DNM3: variants seen among roughly 807,000 people sequenced by gnomAD.
DNM3 encodes dynamin 3, also known as dynamin-3.
In DNM3, 47 loss-of-function variants were observed where a neutral mutation model predicts 101.6. The ratio of observed to expected loss-of-function variants is 0.46; its 90% CI spans 0.37 to 0.59. DNM3 has a LOEUF of 0.59. DNM3 is among the 20% of genes least tolerant of loss of function. The pLI is 0.00. For synonymous variants in DNM3, 385 were observed against 387.9 expected, an observed-to-expected ratio of 0.99 and a Z score of 0.09; for missense variants, 849 against 1,085.7, an observed-to-expected ratio of 0.78 and a Z score of 3.06.
chr1:171,921,117 C>T (rs202095893), intron 1 of DNM3, among the ~76,000 whole-genome samples: 41 of 142,400 alleles, frequency 2.9e-4, no homozygotes, highest in Middle Eastern at 3.6e-3. Context: ...TTTTTTTTTT[C>T]TTTTTTTTTT....
At chr1:172,371,598 A>G (rs1246674734) in intron 17 of DNM3, among the ~76,000 whole-genome samples, 4 of 151,918 alleles carry the variant, frequency 2.6e-5, no homozygotes, top group African/African-American at 9.7e-5. Flanking sequence ...TGTCCTATAA[A>G]ATGTATAATG....
intron 1 of DNM3, among the ~76,000 whole-genome samples, chr1:171,897,521 T>C (rs1426370507): frequency 2.0e-5 from 3 of 152,240 alleles, no homozygotes; most frequent in Admixed American, 1.3e-4. Context: ...TGAATAATCA[T>C]GTCTATCTCT....
At chr1:172,075,491 A>G (rs1188592756) in intron 11 of DNM3, among the ~76,000 whole-genome samples, 2 of 152,214 alleles carry the variant, frequency 1.3e-5, no homozygotes, top group African/African-American at 4.8e-5. Flanking sequence ...ATTTTTGTAT[A>G]AGGTGTAAGG....
intron 19 of DNM3, 24 bp from the exon 20 acceptor site, chr1:172,388,549 A>C (rs774055720): frequency 1.8e-5 from 28 of 1,593,536 alleles, no homozygotes; most frequent in Non-Finnish European, 2.4e-5. Context: ...GAGTGAGCAA[A>C]CTATGATTTC....
intron 14 of DNM3, among the ~76,000 whole-genome samples, chr1:172,150,185 CT>C (rs1175601173): frequency 6.6e-6 from 1 of 152,102 alleles, no homozygotes; most frequent in African/African-American, 2.4e-5. Flanking sequence ...AGAATTTACT[CT>C]AGTTTCTAAG....
intron 1 of DNM3, among the ~76,000 whole-genome samples, chr1:171,911,737 C>G (rs1020193062): frequency 2.6e-5 from 4 of 152,188 alleles, no homozygotes; most frequent in South Asian, 2.1e-4. Flanking sequence ...ATTTCTTCAT[C>G]TGAAGCCTTA....
intron 17 of DNM3, among the ~76,000 whole-genome samples, chr1:172,372,815 C>T (rs1001908608): frequency 6.7e-6 from 1 of 149,358 alleles, no homozygotes; most frequent in African/African-American, 2.5e-5. Flanking sequence ...TCCTGAGTAT[C>T]TGGAACTACG....
intron 1 of DNM3, among the ~76,000 whole-genome samples, chr1:171,914,824 A>C (rs1003655052): frequency 1.3e-5 from 2 of 152,180 alleles, no homozygotes; most frequent in African/African-American, 4.8e-5. Context: ...AGTGTAAAAA[A>C]TATTTAGTGC....
At chr1:172,133,048 C>T in intron 14 of DNM3, 1 of 1,477,404 alleles carries the variant, frequency 6.8e-7, no homozygotes, top group Non-Finnish European at 8.9e-7. Context: ...TCCAAGCCAA[C>T]CTCATCCCAC....
chr1:171,931,943 TA>T (rs992425792), intron 2 of DNM3, among the ~76,000 whole-genome samples: 9 of 152,228 alleles, frequency 5.9e-5, no homozygotes, highest in East Asian at 1.9e-4. Flanking sequence ...AAATATTTAT[TA>T]TTTTTTTAAT....
At chr1:172,128,830 C>A (rs1462738793) in intron 13 of DNM3, among the ~76,000 whole-genome samples, 1 of 152,098 alleles carries the variant, frequency 6.6e-6, no homozygotes, top group African/African-American at 2.4e-5. Context: ...GATATTTCTT[C>A]AGTAGGTTCA....
Position 171,921,775 on chromosome 1 carries a change from T to C in DNM3, c.189T>C (p.Ile63=). 1 of 1,601,302 alleles carries C rather than the reference T, an allele frequency of 6.2e-7. No individual in the cohort carries two copies. The highest frequency in any genetic ancestry group is 8.5e-7 in the Non-Finnish European group (1 of 1,173,062). Residue 63 remains isoleucine (I), a synonymous_variant, in exon 2 of 21, where the codon ATT becomes ATC. Coordinates refer to ENST00000627582, the MANE Select transcript of DNM3 (RefSeq NM_015569.5). ...ACTTTCTCCCTCGAGGGTCGGGCAT[T>C]GTAACAAGACGACCTCTTGTGCTGC... ...GRDFLPRGSG[I]VTRRPLVLQL... is the part of the protein sequence containing the mutation.
At chr1:171,968,061 A>G (rs1433118118) in intron 2 of DNM3, among the ~76,000 whole-genome samples, 1 of 152,096 alleles carries the variant, frequency 6.6e-6, no homozygotes, top group Non-Finnish European at 1.5e-5. Flanking sequence ...CTACAACTTA[A>G]TCTCTTTGAT....
At chr1:172,170,841 G>A (rs1268458001) in intron 14 of DNM3, among the ~76,000 whole-genome samples, 1 of 151,608 alleles carries the variant, frequency 6.6e-6, no homozygotes, top group Non-Finnish European at 1.5e-5. Context: ...ACTAAATCAT[G>A]GAGAAGAAAA....
chr1:172,163,294 A>G (rs1489003825), intron 14 of DNM3, among the ~76,000 whole-genome samples: 4 of 146,334 alleles, frequency 2.7e-5, no homozygotes, highest in African/African-American at 1.0e-4. Flanking sequence ...GCTGGAGTGC[A>G]GTGGTGTGAT....
intron 16 of DNM3, among the ~76,000 whole-genome samples, chr1:172,318,887 C>T (rs1292908486): frequency 6.6e-6 from 1 of 152,192 alleles, no homozygotes; most frequent in African/African-American, 2.4e-5. Flanking sequence ...GAAAAAACTA[C>T]TTTAAAGTTC....
chr1:172,311,391 C>T (rs970570218), intron 16 of DNM3: 1 of 151,392 alleles, frequency 6.6e-6, no homozygotes, highest in Non-Finnish European at 1.5e-5. Context: ...TTTGTTAAGT[C>T]ATGATTTTGT....
intron 2 of DNM3, among the ~76,000 whole-genome samples, chr1:171,939,196 G>T (rs946776952): frequency 2.0e-5 from 3 of 152,090 alleles, no homozygotes; most frequent in Non-Finnish European, 4.4e-5. Flanking sequence ...TTTGAGAAAA[G>T]CAACTGATCC....
Position 172,267,101 on chromosome 1 carries a change from T to C in DNM3, c.1769+13419T>C, listed in dbSNP as rs192272442. 2.1e-3 allele frequency among the ~76,000 whole-genome samples: 314 copies of C among 152,334 alleles called. 1 individual carries two copies. Among genetic ancestry groups the C allele is most frequent in the Non-Finnish European group, 2.5e-3 (169 of 68,030 alleles). On this transcript the variant is annotated intron_variant, in intron 15 of 20. Coordinates refer to ENST00000627582, the MANE Select transcript of DNM3 (RefSeq NM_015569.5). Reference sequence around the variant, plus strand: ...AAGTGAACATTTTAATACCTTATTCTTCCTTCTGGTTTTAACACAATGATA... The same window carrying C: ...AAGTGAACATTTTAATACCTTATTCCTCCTTCTGGTTTTAACACAATGATA...
Sources: allele counts gnomAD v4.1 joint callset (sites outside exome capture counted in the v4.1 genomes callset), GRCh38; gene constraint gnomAD v4.1.1; transcripts MANE v1.5; gene names NCBI Gene and HGNC (gene_info 2026-07-23, HGNC 2026-07-21).